The following CDH13 variants were observed in gnomAD, a reference collection of about 807,000 sequenced individuals.
The protein encoded by CDH13 is cadherin-13.
CDH13 carries 24 observed loss-of-function variants against 63.8 expected under a neutral mutation model. The observed-to-expected ratio is 0.38, with a 90% confidence interval of 0.27 to 0.53. The LOEUF is 0.53. CDH13 is among the 20% of genes least tolerant of loss of function. The pLI is 0.85. For synonymous variants in CDH13, 503 were observed against 355.3 expected (o/e 1.42, Z -4.67); for missense variants, 1,049 against 903.1 (o/e 1.16, Z -2.07).
chr16:83,407,293 T>C (rs1477217811), intron 6 of CDH13, among the ~76,000 whole-genome samples: 1 of 152,266 alleles, frequency 6.6e-6, no homozygotes, highest in Non-Finnish European at 1.5e-5. Context: ...GCCCGTTTAT[T>C]TGAAATACAC....
At chr16:83,273,743 A>T (rs374189924) in intron 5 of CDH13, among the ~76,000 whole-genome samples, 5 of 152,128 alleles carry the variant, frequency 3.3e-5, no homozygotes, top group South Asian at 2.1e-4. Flanking sequence ...TTTCCGTGGG[A>T]GGGGCATTTC....
intron 2 of CDH13, among the ~76,000 whole-genome samples, chr16:82,897,260 G>C (rs1016856243): frequency 6.6e-6 from 1 of 152,222 alleles, no homozygotes. Context: ...TGTGGCCACA[G>C]ATATCAGCAC....
At chr16:83,744,508 C>T (rs937489326) in intron 10 of CDH13, among the ~76,000 whole-genome samples, 11 of 152,242 alleles carry the variant, frequency 7.2e-5, no homozygotes, top group Admixed American at 7.2e-4. Flanking sequence ...CCTGCGTTCG[C>T]CTCATCCGTT....
intron 5 of CDH13, among the ~76,000 whole-genome samples, chr16:83,240,548 G>A (rs1047718866): frequency 6.6e-6 from 1 of 151,894 alleles, no homozygotes; most frequent in African/African-American, 2.4e-5. Flanking sequence ...AAAGTGGTTG[G>A]ATTTGCAGTA....
At chr16:82,774,274 T>C (rs987582487) in intron 1 of CDH13, among the ~76,000 whole-genome samples, 1 of 151,990 alleles carries the variant, frequency 6.6e-6, no homozygotes, top group Non-Finnish European at 1.5e-5. Flanking sequence ...TCATACTGCC[T>C]GGGTTGGAGA....
intron 2 of CDH13, among the ~76,000 whole-genome samples, chr16:82,988,784 G>A (rs994046879): frequency 1.3e-4 from 19 of 150,618 alleles, no homozygotes; most frequent in Admixed American, 1.3e-3. Context: ...AAAAATGCGA[G>A]TAATGAAGGG....
At chr16:83,786,587 C>G (rs9319446) in intron 13 of CDH13, among the ~76,000 whole-genome samples, 6 of 134,728 alleles carry the variant, frequency 4.5e-5, no homozygotes, top group African/African-American at 2.2e-4. Flanking sequence ...TATTTGTTTA[C>G]TTATTTATTT....
intron 1 of CDH13, among the ~76,000 whole-genome samples, chr16:82,787,667 G>C (rs2036083133): frequency 6.6e-6 from 1 of 152,206 alleles, no homozygotes; most frequent in Admixed American, 6.5e-5. Context: ...GCCCAGAGAG[G>C]TGAATGGGCT....
intron 13 of CDH13, among the ~76,000 whole-genome samples, chr16:83,793,510 G>C (rs1332888487): frequency 6.6e-6 from 1 of 152,164 alleles, no homozygotes; most frequent in African/African-American, 2.4e-5. Context: ...TTCTACATGA[G>C]TGACGTTCTC....
At chr16:83,052,989 G>C (rs754338137) in intron 3 of CDH13, among the ~76,000 whole-genome samples, 1 of 151,854 alleles carries the variant, frequency 6.6e-6, no homozygotes, top group African/African-American at 2.4e-5. Flanking sequence ...AATGCAGTGA[G>C]ACCATAAGCC....
intron 4 of CDH13, among the ~76,000 whole-genome samples, chr16:83,171,777 G>A (rs2037930011): frequency 6.6e-6 from 1 of 152,098 alleles, no homozygotes; most frequent in Non-Finnish European, 1.5e-5. Context: ...ATTGTAGGAA[G>A]ATTAACAGTT....
chr16:83,566,726 G>C (rs1028549011), intron 7 of CDH13, among the ~76,000 whole-genome samples: 1 of 152,130 alleles, frequency 6.6e-6, no homozygotes, highest in Admixed American at 6.5e-5. Flanking sequence ...TCTGCCTTCA[G>C]GGTTGTCATC....
intron 10 of CDH13, among the ~76,000 whole-genome samples, chr16:83,743,748 C>CTTTTTTCTTTTTTTTTTTT (rs1912281994): frequency 3.9e-5 from 3 of 76,256 alleles, no homozygotes; most frequent in African/African-American, 1.7e-4. Context: ...TTTCTTTTTT[C>CTTTTTTCTTTTTTTTTTTT]TTTTTTTTTT....
intron 1 of CDH13, chr16:82,844,818 AT>A (rs150432302): frequency 0.29 from 34,394 of 120,476 alleles, 4,911 homozygotes; most frequent in Non-Finnish European, 0.36. Flanking sequence ...TTTTATTTTT[AT>A]TTTTTTTTTG....
intron 5 of CDH13, among the ~76,000 whole-genome samples, chr16:83,320,571 G>A (rs1174052262): frequency 6.6e-6 from 1 of 152,140 alleles, no homozygotes; most frequent in African/African-American, 2.4e-5. Flanking sequence ...GTGTTTTCTT[G>A]CTCACCTCAA....
rs774616461 is a variant in CDH13, at chr16:83,798,068, A to AAT, written c.*3040_*3041dup. 1 of 152,236 alleles carries AAT rather than the reference A, an allele frequency of 6.6e-6. No homozygotes were observed. The highest frequency in any genetic ancestry group is 1.5e-5 in the Non-Finnish European group (1 of 68,048). The allele number at this position is 152,236 out of a possible 1,614,324, so 9.4% of individuals were successfully genotyped here. The stretch of plus-strand genomic sequence containing the variant: ...CAGCCAGATTTCATGGTAGGTATCA[A>AAT]ATAAGACTTTGGCTCTTAAAGAACA... On this transcript the variant is annotated 3_prime_UTR_variant, in exon 14 of 14. Coordinates refer to ENST00000567109, the MANE Select transcript of CDH13 (RefSeq NM_001257.5).
intron 1 of CDH13, among the ~76,000 whole-genome samples, chr16:82,720,605 G>A (rs1053963523): frequency 6.6e-5 from 10 of 151,934 alleles, no homozygotes; most frequent in East Asian, 1.9e-4. Flanking sequence ...CAGAGGACCC[G>A]GGGAAAACCC....
intron 6 of CDH13, among the ~76,000 whole-genome samples, chr16:83,356,490 A>G (rs1226243402): frequency 6.6e-6 from 1 of 152,168 alleles, no homozygotes; most frequent in Non-Finnish European, 1.5e-5. Flanking sequence ...GAAAAGATTG[A>G]TAATCAGCAG....
intron 1 of CDH13, among the ~76,000 whole-genome samples, chr16:82,795,047 A>G (rs2036515272): frequency 6.6e-6 from 1 of 152,164 alleles, no homozygotes; most frequent in African/African-American, 2.4e-5. Context: ...CCTTTGCCTC[A>G]TAGTCTCATT....
Sources: allele counts gnomAD v4.1 joint callset (sites outside exome capture counted in the v4.1 genomes callset), GRCh38; gene constraint gnomAD v4.1.1; transcripts MANE v1.5; gene names NCBI Gene and HGNC (gene_info 2026-07-23, HGNC 2026-07-21).